Variants in FBN2 observed in about 807,000 individuals in gnomAD.
FBN2 encodes the protein fibrillin-2.
FBN2 carries 105 observed loss-of-function variants against 355.6 expected under a neutral mutation model. That is an observed-to-expected ratio of 0.30 (90% CI 0.25 to 0.35). FBN2 has a LOEUF of 0.35. Ranked by LOEUF, FBN2 falls within the 10% of genes least tolerant of loss-of-function variation. The pLI is 1.00. For synonymous variants in FBN2, 1,350 were observed against 1,301.2 expected (o/e 1.04, Z -0.81); for missense variants, 3,280 against 3,758.7 (o/e 0.87, Z 3.33).
chr5:128,292,925 T>C (rs570663380), intron 48 of FBN2, among the ~76,000 whole-genome samples: 1 of 152,260 alleles, frequency 6.6e-6, no homozygotes, highest in East Asian at 1.9e-4. Flanking sequence ...ACAATGTCTG[T>C]CACATTGTAT....
intron 5 of FBN2, among the ~76,000 whole-genome samples, chr5:128,504,208 G>A (rs902390331): frequency 2.0e-5 from 3 of 152,168 alleles, no homozygotes; most frequent in Admixed American, 1.3e-4. Flanking sequence ...TGTGCTGCAC[G>A]GGTGGAGCCC....
At chr5:128,526,510 C>G (rs1289561813) in intron 4 of FBN2, among the ~76,000 whole-genome samples, 1 of 152,108 alleles carries the variant, frequency 6.6e-6, no homozygotes, top group Non-Finnish European at 1.5e-5. Flanking sequence ...ACTGGATAAA[C>G]AAAATGTGGT....
rs900623531 is a variant in FBN2, at chr5:128,258,165, T to C, written c.*1290A>G. 1 of 152,532 alleles carries C rather than the reference T, an allele frequency of 6.6e-6. No individual in the cohort carries two copies. Among genetic ancestry groups the C allele is most frequent in the African/African-American group, 2.4e-5 (1 of 41,382 alleles). 9.4% of individuals were successfully genotyped at this position (152,532 alleles called of 1,614,324 possible). A position where few individuals can be genotyped will look rare whatever the true frequency, so the allele number is the denominator to read the frequency against. ...GCATGTGCTTTGGCCATTTCACATA[T>C]GAGGTTTGGTCACTGGTCCAGGAAA... is the stretch of plus-strand genomic sequence containing the variant. On this transcript the variant is annotated 3_prime_UTR_variant, in exon 65 of 65. Coordinates refer to ENST00000262464, the MANE Select transcript of FBN2 (RefSeq NM_001999.4).
At chr5:128,486,610 C>CT (rs1333266430) in intron 5 of FBN2, among the ~76,000 whole-genome samples, 3 of 152,094 alleles carry the variant, frequency 2.0e-5, no homozygotes, top group Non-Finnish European at 4.4e-5. Flanking sequence ...TACAAGAACT[C>CT]TATTCCTGCA....
chr5:128,499,180 T>C (rs537710792), intron 5 of FBN2, among the ~76,000 whole-genome samples: 1 of 152,300 alleles, frequency 6.6e-6, no homozygotes, highest in Non-Finnish European at 1.5e-5. Context: ...AAATCTATTC[T>C]GGTAACAGAA....
At chr5:128,457,071 T>C (rs189074100) in intron 6 of FBN2, among the ~76,000 whole-genome samples, 173 of 152,222 alleles carry the variant, frequency 1.1e-3, no homozygotes, top group Non-Finnish European at 2.0e-3. Context: ...GTGAGAGGAA[T>C]TGCTAACTAG....
chr5:128,387,534 A>G (rs1192021300), intron 11 of FBN2, among the ~76,000 whole-genome samples: 1 of 151,902 alleles, frequency 6.6e-6, no homozygotes, highest in African/African-American at 2.4e-5. Flanking sequence ...TTATTTTTTT[A>G]GTTCCTCCAG....
At chr5:128,481,728 C>T (rs1561478434) in intron 5 of FBN2, among the ~76,000 whole-genome samples, 3 of 152,096 alleles carry the variant, frequency 2.0e-5, no homozygotes, top group Admixed American at 6.5e-5. Flanking sequence ...CTATTTATAT[C>T]TTCTGTCCCT....
chr5:128,525,119 A>T (rs1251993042), intron 4 of FBN2, among the ~76,000 whole-genome samples: 1 of 152,184 alleles, frequency 6.6e-6, no homozygotes, highest in Admixed American at 6.5e-5. Flanking sequence ...GAGCAGCTTA[A>T]TTCAGACTGA....
chr5:128,294,120 G>A (rs1019070472), intron 48 of FBN2, among the ~76,000 whole-genome samples: 5 of 152,066 alleles, frequency 3.3e-5, no homozygotes. Flanking sequence ...AGTTTACTGA[G>A]AATGATGATT....
At chr5:128,270,256 G>C (rs1429199531) in intron 62 of FBN2, among the ~76,000 whole-genome samples, 1 of 152,158 alleles carries the variant, frequency 6.6e-6, no homozygotes, top group African/African-American at 2.4e-5. Context: ...GCTGGGCATG[G>C]TGGCTCATGC....
chr5:128,453,840 T>G (rs151049329), intron 6 of FBN2, among the ~76,000 whole-genome samples: 132 of 152,228 alleles, frequency 8.7e-4, no homozygotes, highest in Non-Finnish European at 1.8e-3. Context: ...GAGCATCAAT[T>G]TTCAACTGTC....
intron 7 of FBN2, among the ~76,000 whole-genome samples, chr5:128,445,782 G>C (rs1754049222): frequency 6.6e-6 from 1 of 152,050 alleles, no homozygotes; most frequent in African/African-American, 2.4e-5. Flanking sequence ...GAAGCCACAT[G>C]CACTTAGAAA....
intron 8 of FBN2, among the ~76,000 whole-genome samples, chr5:128,398,783 C>T (rs760352860): frequency 6.6e-6 from 1 of 152,132 alleles, no homozygotes; most frequent in African/African-American, 2.4e-5. Context: ...TGGGAGGTAA[C>T]TGAATCACGG....
chr5:128,440,742 A>C (rs1014483616), intron 7 of FBN2, among the ~76,000 whole-genome samples: 2 of 152,248 alleles, frequency 1.3e-5, no homozygotes, highest in African/African-American at 2.4e-5. Context: ...TTCTAAAGTC[A>C]TAATGAATGA....
intron 23 of FBN2, among the ~76,000 whole-genome samples, chr5:128,347,982 TC>T (rs1230612971): frequency 1.3e-5 from 2 of 151,958 alleles, no homozygotes; most frequent in Non-Finnish European, 2.9e-5. Flanking sequence ...AGGGGGGGGT[TC>T]CCCATGTTGC....
intron 7 of FBN2, among the ~76,000 whole-genome samples, chr5:128,426,250 C>T (rs1414862890): frequency 6.6e-6 from 1 of 152,174 alleles, no homozygotes; most frequent in East Asian, 1.9e-4. Flanking sequence ...CACATCTGGA[C>T]AATTCTCAAG....
At chr5:128,321,430 G>T (rs905665849) in intron 34 of FBN2, among the ~76,000 whole-genome samples, 2 of 152,108 alleles carry the variant, frequency 1.3e-5, no homozygotes, top group East Asian at 3.9e-4. Flanking sequence ...TTCTCCTAAT[G>T]CTATCCCTCC....
chr5:128,428,993 C>G (rs1438430736), intron 7 of FBN2, among the ~76,000 whole-genome samples: 1 of 152,186 alleles, frequency 6.6e-6, no homozygotes, highest in Non-Finnish European at 1.5e-5. Flanking sequence ...GGATCAGCCA[C>G]CCTCCAGGTA....
Sources: gnomAD v4.1 joint callset for allele counts (sites outside exome capture counted in the v4.1 genomes callset) on GRCh38, gnomAD v4.1.1 for gene constraint, MANE v1.5 for transcripts, NCBI Gene and HGNC (gene_info 2026-07-23, HGNC 2026-07-21) for gene names.